Variants in PCDHGA3 observed in about 807,000 individuals in gnomAD.
The protein encoded by PCDHGA3 is protocadherin gamma-A3.
A neutral mutation model predicts 58.5 loss-of-function variants in PCDHGA3; 40 were observed. The ratio of observed to expected loss-of-function variants is 0.68; its 90% CI spans 0.53 to 0.89. The LOEUF (loss-of-function observed/expected upper bound fraction) is 0.89, where lower values mean the gene tolerates loss of function less well. Among genes scored for constraint, PCDHGA3 ranks in the 40% least tolerant of loss-of-function variants. The pLI, the probability that PCDHGA3 is intolerant of heterozygous loss-of-function variation, is 0.00. For synonymous variants in PCDHGA3, 530 were observed against 525.7 expected, an observed-to-expected ratio of 1.01 and a Z score of -0.11; for missense variants, 1,223 against 1,195.9, an observed-to-expected ratio of 1.02 and a Z score of -0.33.
rs746357528 is a variant in PCDHGA3, at chr5:141,375,442, C to G, written c.2424+28985C>G. 3.1e-6 allele frequency: 5 copies of G among 1,614,034 alleles called. No homozygotes were observed. In the South Asian group the frequency reaches 3.3e-5, roughly 11 times the overall value. On this transcript the variant is annotated intron_variant, in intron 1 of 3. Coordinates refer to ENST00000253812, the MANE Select transcript of PCDHGA3 (RefSeq NM_018916.4). ...CCAACGACAACCCGCCCACCTTCCC[C>G]CATTCATCCTACTCAGTCTATGTCC... is the stretch of plus-strand genomic sequence containing the variant.
At position 141,512,350 on chromosome 5, in the gene PCDHGA3, G is replaced by C. The variant is rs1406428686; in HGVS notation, c.*1177G>C. ...CCATTCTTAGTCCCTGGGTTGGGGA[G>C]GCAGGGAGCTAGGGCAGGGACCAAA... is the stretch of plus-strand genomic sequence containing the variant. On this transcript the variant is annotated 3_prime_UTR_variant, in exon 4 of 4. Transcript: ENST00000253812. The C allele has an allele frequency of 6.5e-6, 1 of 152,906 alleles. No homozygotes were observed. The highest frequency in any genetic ancestry group is 1.9e-4 in the East Asian group (1 of 5,208). 9.5% of individuals were successfully genotyped at this position (152,906 alleles called of 1,614,324 possible).
rs1554073405 is a variant in PCDHGA3 at position 141,347,137 on chromosome 5, C to CTTTCTTTCTTTCTT, written c.2424+681_2424+682insTTCTTTCTTTCTTT. 2.6e-5 allele frequency among the ~76,000 whole-genome samples: 3 copies of CTTTCTTTCTTTCTT among 113,834 alleles called. No individual in the cohort carries two copies. In the South Asian group the frequency reaches 9.4e-4, roughly 36 times the overall value. 74.7% of individuals were successfully genotyped at this position (113,834 alleles called of 152,430 possible). On this transcript the variant is annotated intron_variant, in intron 1 of 3. Transcript: ENST00000253812. ...CTCCTTCCTTCCTTCCTCTGTTTCTCTCTTTCTTTCTTTCTTTCTTTCTTT... is the reference window on the plus strand; with the variant it reads ...CTCCTTCCTTCCTTCCTCTGTTTCTCTTTCTTTCTTTCTTTCTTTCTTTCTTTCTTTCTTTCTTT...
At chr5:141,394,419 G>C in intron 1 of PCDHGA3, 1 of 1,614,224 alleles carries the variant, frequency 6.2e-7, no homozygotes, top group East Asian at 2.2e-5. Context: ...AACAGCCAGC[G>C]ACAGCGGGGA....
chr5:141,443,307 C>A (rs1447607301), intron 1 of PCDHGA3, among the ~76,000 whole-genome samples: 1 of 136,584 alleles, frequency 7.3e-6, no homozygotes, highest in Non-Finnish European at 1.5e-5. Flanking sequence ...ATGGCAAAAA[C>A]CCATCTCTAC....
chr5:141,453,052 G>A (rs1299518260), intron 1 of PCDHGA3, among the ~76,000 whole-genome samples: 2 of 152,062 alleles, frequency 1.3e-5, no homozygotes, highest in East Asian at 3.9e-4. Flanking sequence ...ATTATGTGCA[G>A]TTTTAGAGTT....
chr5:141,405,927 A>G (rs138259154), intron 1 of PCDHGA3, among the ~76,000 whole-genome samples: 13 of 152,268 alleles, frequency 8.5e-5, no homozygotes, highest in African/African-American at 2.6e-4. Flanking sequence ...ATTTGCTGAT[A>G]TAACTTTCAT....
At chr5:141,393,442 T>G (rs932289283) in intron 1 of PCDHGA3, 3 of 1,614,056 alleles carry the variant, frequency 1.9e-6, no homozygotes, top group Non-Finnish European at 2.5e-6. Context: ...GCTCACCACC[T>G]GGTCCTCACG....
At chr5:141,395,147 G>A in intron 1 of PCDHGA3, 1 of 1,614,210 alleles carries the variant, frequency 6.2e-7, no homozygotes, top group Non-Finnish European at 8.5e-7. Flanking sequence ...ACGCAGACAT[G>A]CTCATCAGTC....
chr5:141,423,680 C>T (rs2096766182), intron 1 of PCDHGA3: 1 of 1,479,088 alleles, frequency 6.8e-7, no homozygotes, highest in African/African-American at 1.5e-5. Context: ...ATTTCTCTGC[C>T]TCCTAATTGT....
intron 1 of PCDHGA3, chr5:141,382,965 C>A (rs1186922348): frequency 2.5e-6 from 4 of 1,608,612 alleles, no homozygotes; most frequent in Non-Finnish European, 3.4e-6. Context: ...TCCTGGGGAC[C>A]CCCTGGGAAG....
intron 2 of PCDHGA3, among the ~76,000 whole-genome samples, chr5:141,498,601 G>A (rs2099784606): frequency 6.6e-6 from 1 of 152,126 alleles, no homozygotes; most frequent in African/African-American, 2.4e-5. Flanking sequence ...CTTGGTTCAA[G>A]TTCAAGTCAG....
At chr5:141,418,021 A>G (rs748774040) in intron 1 of PCDHGA3, 11 of 1,613,978 alleles carry the variant, frequency 6.8e-6, no homozygotes, top group African/African-American at 1.3e-5. Context: ...CTAAGGATCT[A>G]GGGCTTAGTG....
At chr5:141,505,202 T>C (rs778935321) in intron 2 of PCDHGA3, among the ~76,000 whole-genome samples, 191 bp from the exon 3 acceptor site, 3 of 152,012 alleles carry the variant, frequency 2.0e-5, no homozygotes, top group Non-Finnish European at 4.4e-5. Flanking sequence ...AAAGAGCTGG[T>C]TTGAGGGACT....
chr5:141,380,065 A>G (rs569464120), intron 1 of PCDHGA3, among the ~76,000 whole-genome samples: 1 of 151,950 alleles, frequency 6.6e-6, no homozygotes, highest in East Asian at 1.9e-4. Context: ...ATGCCTAGCT[A>G]ATTTTCATAC....
chr5:141,417,528 A>G, intron 1 of PCDHGA3: 1 of 277,368 alleles, frequency 3.6e-6, no homozygotes, highest in Non-Finnish European at 6.7e-6. Context: ...GTCAACTCGT[A>G]GTTTAAAAAA....
Position 141,344,471 on chromosome 5 carries a change from G to T in PCDHGA3, c.438G>T (p.Thr146=), listed in dbSNP as rs751641174. The change falls in exon 1 of 4, where the codon ACG becomes ACT. Residue 146 remains threonine (T), a synonymous_variant. Coordinates refer to ENST00000253812, the MANE Select transcript of PCDHGA3 (RefSeq NM_018916.4). ...TGGAAATAAAAATTGGTGAACTAAC[G>T]GTTCCTGGAACCCGATTTCCAATTA... ...EELEIKIGEL[T]VPGTRFPIKT... 1.2e-5 allele frequency: 19 copies of T among 1,613,686 alleles called. No homozygotes were observed. In the African/African-American group the frequency reaches 1.7e-4, roughly 15 times the overall value.
chr5:141,386,729 G>A (rs2090690425), intron 1 of PCDHGA3, among the ~76,000 whole-genome samples: 1 of 152,182 alleles, frequency 6.6e-6, no homozygotes, highest in South Asian at 2.1e-4. Context: ...CAATGTTACT[G>A]AGGGAAGATC....
At chr5:141,421,717 G>T in intron 1 of PCDHGA3, 2 of 1,613,932 alleles carry the variant, frequency 1.2e-6, no homozygotes, top group East Asian at 4.5e-5. Context: ...TCCAGATGTG[G>T]GCGTGAACTC....
chr5:141,372,183 G>C lies in PCDHGA3; in HGVS notation c.2424+25726G>C, dbSNP rs770498510. 5 of 1,613,672 alleles carry C rather than the reference G, an allele frequency of 3.1e-6. No individual in the cohort carries two copies. The Admixed American group carries it at 8.3e-5, about 27-fold the overall frequency. On this transcript the variant is annotated intron_variant, in intron 1 of 3. Coordinates refer to ENST00000253812, the MANE Select transcript of PCDHGA3 (RefSeq NM_018916.4). ...GACCAAGGTGGTGGCGGTGGACGCA[G>C]ACTCGGGATACAACGCCTGGCTGTC...
Sources: allele counts gnomAD v4.1 joint callset (sites outside exome capture counted in the v4.1 genomes callset), GRCh38; gene constraint gnomAD v4.1.1; transcripts MANE v1.5; gene names NCBI Gene and HGNC (gene_info 2026-07-23, HGNC 2026-07-21).